Variants in ERBB4 observed in about 807,000 individuals in gnomAD.
ERBB4 encodes the protein receptor tyrosine-protein kinase erbB-4.
In ERBB4, 42 loss-of-function variants were observed where a neutral mutation model predicts 158.0. The observed-to-expected ratio is 0.27, with a 90% CI of 0.21 to 0.34. The LOEUF (loss-of-function observed/expected upper bound fraction) is 0.34, where lower values mean the gene tolerates loss of function less well. Among genes scored for constraint, ERBB4 ranks in the 10% least tolerant of loss-of-function variants. The pLI, the probability that ERBB4 is intolerant of heterozygous loss-of-function variation, is 1.00. For missense variants in ERBB4, 1,333 were observed against 1,624.1 expected (o/e 0.82, Z 3.08); for synonymous variants, 583 against 558.7 (o/e 1.04, Z -0.61).
intron 1 of ERBB4, among the ~76,000 whole-genome samples, chr2:212,270,029 A>C (rs116640823): frequency 1.2e-3 from 178 of 151,954 alleles, no homozygotes; most frequent in Middle Eastern, 6.8e-3. Context: ...GAAATTCCAT[A>C]AAGTGACTAA....
At chr2:212,364,112 A>C (rs1353821704) in intron 1 of ERBB4, among the ~76,000 whole-genome samples, 2 of 151,752 alleles carry the variant, frequency 1.3e-5, no homozygotes, top group African/African-American at 2.4e-5. Flanking sequence ...TCTGGGCTGC[A>C]ACTTTCCTTT....
intron 20 of ERBB4, among the ~76,000 whole-genome samples, chr2:211,497,332 G>A (rs945744840): frequency 1.3e-5 from 2 of 152,188 alleles, no homozygotes; most frequent in East Asian, 1.9e-4. Context: ...GTAACATTTT[G>A]TACTTGCTTT....
At chr2:212,121,603 G>A (rs934507615) in intron 2 of ERBB4, among the ~76,000 whole-genome samples, 3 of 152,142 alleles carry the variant, frequency 2.0e-5, no homozygotes, top group Non-Finnish European at 4.4e-5. Context: ...TTGTCACTTG[G>A]ATGCTGATGT....
At chr2:211,477,448 G>C (rs533603986) in intron 20 of ERBB4, among the ~76,000 whole-genome samples, 1 of 152,004 alleles carries the variant, frequency 6.6e-6, no homozygotes, top group South Asian at 2.1e-4. Context: ...ATATACAAAA[G>C]GAAAAAGAGG....
intron 9 of ERBB4, among the ~76,000 whole-genome samples, chr2:211,706,624 A>T (rs576549005): frequency 3.9e-5 from 6 of 152,096 alleles, no homozygotes; most frequent in Non-Finnish European, 8.8e-5. Context: ...AACAAAAAAA[A>T]CTTTGCTTGA....
intron 1 of ERBB4, among the ~76,000 whole-genome samples, chr2:212,501,930 G>A (rs1441570196): frequency 1.3e-5 from 2 of 152,008 alleles, no homozygotes; most frequent in Admixed American, 6.6e-5. Context: ...AAGTTAAACA[G>A]AAATCTGAAT....
At chr2:212,144,702 C>T (rs574873100) in intron 1 of ERBB4, among the ~76,000 whole-genome samples, 1 of 152,264 alleles carries the variant, frequency 6.6e-6, no homozygotes, top group African/African-American at 2.4e-5. Context: ...AGATGATAAA[C>T]CAGCTCATGG....
chr2:212,155,248 C>T (rs1188103964), intron 1 of ERBB4, among the ~76,000 whole-genome samples: 1 of 151,920 alleles, frequency 6.6e-6, no homozygotes, highest in Non-Finnish European at 1.5e-5. Flanking sequence ...ACAAAATATT[C>T]TATGCACATT....
Position 211,383,426 on chromosome 2 carries a change from T to C in ERBB4, c.*189A>G, listed in dbSNP as rs1248844463. The C allele has an allele frequency of 5.0e-6, 3 of 601,882 alleles. No individual in the cohort carries two copies. The African/African-American group carries it at 5.6e-5, about 11-fold the overall frequency. 37.3% of individuals were successfully genotyped at this position (601,882 alleles called of 1,614,324 possible). A position where few individuals can be genotyped will look rare whatever the true frequency, so the allele number is the denominator to read the frequency against. On this transcript the variant is annotated 3_prime_UTR_variant, in exon 28 of 28. Transcript: ENST00000342788. ...AGAAACATTGTGGTTCCTCCTATCT[T>C]TCTCTTTCAGTCTTTCCCTCTAATG... is the stretch of plus-strand genomic sequence containing the variant.
chr2:211,593,775 A>G (rs927695051), intron 19 of ERBB4, among the ~76,000 whole-genome samples: 1 of 152,302 alleles, frequency 6.6e-6, no homozygotes, highest in South Asian at 2.1e-4. Context: ...TCAAGGAAAG[A>G]CTTATCCGAG....
intron 7 of ERBB4, among the ~76,000 whole-genome samples, chr2:211,718,072 C>T (rs112956467): frequency 0.094 from 14,336 of 151,960 alleles, 787 homozygotes; most frequent in South Asian, 0.24. Flanking sequence ...CCACCACGAC[C>T]GGATAATTTT....
At chr2:211,515,416 A>G (rs1328527269) in intron 20 of ERBB4, among the ~76,000 whole-genome samples, 1 of 152,106 alleles carries the variant, frequency 6.6e-6, no homozygotes, top group South Asian at 2.1e-4. Flanking sequence ...TCCCAAACAC[A>G]GGGAAGTTTT....
intron 3 of ERBB4, among the ~76,000 whole-genome samples, chr2:211,822,057 T>TA (rs1260344078): frequency 1.3e-5 from 2 of 151,916 alleles, no homozygotes; most frequent in Non-Finnish European, 2.9e-5. Flanking sequence ...AACAGAAAGT[T>TA]AAACTCTGCA....
intron 1 of ERBB4, among the ~76,000 whole-genome samples, chr2:212,191,686 CATGTTACATATAACACGT>C (rs2082221428): frequency 1.9e-5 from 1 of 51,578 alleles, no homozygotes; most frequent in East Asian, 1.2e-3. Flanking sequence ...GTGTGTTATA[CATGTTACATATAACACGT>C]GTTATACATG....
intron 2 of ERBB4, among the ~76,000 whole-genome samples, chr2:212,016,914 C>T (rs888469850): frequency 6.6e-6 from 1 of 152,018 alleles, no homozygotes; most frequent in Non-Finnish European, 1.5e-5. Flanking sequence ...ATAGTTGTCA[C>T]TTAATAAAAG....
intron 1 of ERBB4, among the ~76,000 whole-genome samples, chr2:212,204,956 T>C (rs576956437): frequency 2.6e-5 from 4 of 151,404 alleles, no homozygotes; most frequent in Admixed American, 2.6e-4. Context: ...GTAGCTGGGA[T>C]TACAGGTATG....
At chr2:211,947,228 T>C (rs1238129625) in intron 3 of ERBB4, among the ~76,000 whole-genome samples, 5 of 152,164 alleles carry the variant, frequency 3.3e-5, no homozygotes, top group African/African-American at 1.2e-4. Context: ...AGTATTATGG[T>C]ATCCTTCACA....
rs958897141 is a variant in ERBB4, at chr2:211,467,356, T to C, written c.2488-36256A>G. Reference sequence around the variant, plus strand: ...GTATCTGGTCTATCTCTCTGGGTTGTTGCAACCTTTAGTCAGATGATGTTT... The same window carrying C: ...GTATCTGGTCTATCTCTCTGGGTTGCTGCAACCTTTAGTCAGATGATGTTT... On this transcript the variant is annotated intron_variant, in intron 20 of 27. Coordinates refer to ENST00000342788, the MANE Select transcript of ERBB4 (RefSeq NM_005235.3). Among the ~76,000 whole-genome samples, 4 of 152,182 alleles carry C rather than the reference T, an allele frequency of 2.6e-5. No homozygotes were observed. In the East Asian group the frequency reaches 5.8e-4, roughly 22 times the overall value.
At chr2:211,741,952 A>G (rs912355022) in intron 5 of ERBB4, among the ~76,000 whole-genome samples, 1 of 152,228 alleles carries the variant, frequency 6.6e-6, no homozygotes, top group Non-Finnish European at 1.5e-5. Flanking sequence ...TGGTCAGTGT[A>G]ATCAAGTAAT....
Sources: gnomAD v4.1 joint callset for allele counts (sites outside exome capture counted in the v4.1 genomes callset) on GRCh38, gnomAD v4.1.1 for gene constraint, MANE v1.5 for transcripts, NCBI Gene and HGNC (gene_info 2026-07-23, HGNC 2026-07-21) for gene names.